The following PEBP4 variants were observed in gnomAD, a reference collection of about 807,000 sequenced individuals.
PEBP4 encodes the protein phosphatidylethanolamine binding protein 4, also known as phosphatidylethanolamine-binding protein 4.
PEBP4 carries 22 observed loss-of-function variants against 23.9 expected under a neutral mutation model. That is an observed-to-expected ratio of 0.92 (90% CI 0.66 to 1.31). The LOEUF is 1.31. Among genes scored for constraint, PEBP4 ranks in the 40% most tolerant of loss-of-function variants. The pLI, the probability that PEBP4 is intolerant of heterozygous loss-of-function variation, is 0.00. For synonymous variants in PEBP4, 112 were observed against 99.3 expected (o/e 1.13, Z -0.76); for missense variants, 324 against 281.7 (o/e 1.15, Z -1.07).
chr8:22,797,700 C>T (rs937687298), intron 4 of PEBP4, among the ~76,000 whole-genome samples: 8 of 152,096 alleles, frequency 5.3e-5, no homozygotes, highest in African/African-American at 1.9e-4. Context: ...TCTGAAGGAA[C>T]CGGGGGAAGA....
At chr8:22,911,223 A>G (rs1808932334) in intron 3 of PEBP4, among the ~76,000 whole-genome samples, 1 of 152,240 alleles carries the variant, frequency 6.6e-6, no homozygotes, top group African/African-American at 2.4e-5. Context: ...CATGGCCATG[A>G]TTGGGGTCTA....
intron 4 of PEBP4, among the ~76,000 whole-genome samples, chr8:22,788,933 T>A (rs991707980): frequency 1.3e-5 from 2 of 152,210 alleles, no homozygotes; most frequent in African/African-American, 4.8e-5. Context: ...TAAATTATAG[T>A]ACATCCATAT....
chr8:22,844,589 C>G (rs1259146901), intron 3 of PEBP4, among the ~76,000 whole-genome samples: 1 of 152,194 alleles, frequency 6.6e-6, no homozygotes, highest in Non-Finnish European at 1.5e-5. Context: ...ATTTTCTTCC[C>G]TTTCACTTAA....
At chr8:22,743,343 C>T (rs1388508224) in intron 4 of PEBP4, among the ~76,000 whole-genome samples, 2 of 152,226 alleles carry the variant, frequency 1.3e-5, no homozygotes, top group Admixed American at 1.3e-4. Context: ...AAAGAAGGGG[C>T]CTGAGCTCTT....
At chr8:22,808,143 A>C (rs750452723) in intron 4 of PEBP4, among the ~76,000 whole-genome samples, 1 of 149,784 alleles carries the variant, frequency 6.7e-6, no homozygotes, top group Non-Finnish European at 1.5e-5. Flanking sequence ...CCATCCATTC[A>C]TCACTCCATC....
intron 3 of PEBP4, among the ~76,000 whole-genome samples, chr8:22,841,453 T>C (rs1807328003): frequency 6.6e-6 from 1 of 152,252 alleles, no homozygotes; most frequent in Non-Finnish European, 1.5e-5. Context: ...AGGGAACAGC[T>C]TAGGGACAAC....
intron 3 of PEBP4, among the ~76,000 whole-genome samples, chr8:22,861,840 G>T (rs1257535307): frequency 2.0e-5 from 3 of 152,164 alleles, no homozygotes; most frequent in Non-Finnish European, 4.4e-5. Flanking sequence ...CAGAAAATGG[G>T]TTCAGTTGCC....
intron 3 of PEBP4, among the ~76,000 whole-genome samples, chr8:22,844,037 A>C (rs1296280510): frequency 6.6e-6 from 1 of 152,228 alleles, no homozygotes; most frequent in African/African-American, 2.4e-5. Context: ...ACCACTACTG[A>C]AATAATAACT....
At chr8:22,801,640 C>T (rs1380232297) in intron 4 of PEBP4, among the ~76,000 whole-genome samples, 1 of 152,124 alleles carries the variant, frequency 6.6e-6, no homozygotes. Flanking sequence ...AAAGGCAGAA[C>T]CTGAGCTTAC....
intron 3 of PEBP4, among the ~76,000 whole-genome samples, chr8:22,875,715 C>T (rs1808105490): frequency 6.6e-6 from 1 of 152,036 alleles, no homozygotes. Context: ...CACAAACTGG[C>T]CCCAGCCTAC....
At chr8:22,788,794 A>G (rs1268649958) in intron 4 of PEBP4, among the ~76,000 whole-genome samples, 2 of 152,372 alleles carry the variant, frequency 1.3e-5, no homozygotes, top group Non-Finnish European at 1.5e-5. Flanking sequence ...CTGAGAATTT[A>G]TTCTCAGAAA....
At chr8:22,722,128 C>T (rs973429742) in intron 6 of PEBP4, among the ~76,000 whole-genome samples, 1 of 152,094 alleles carries the variant, frequency 6.6e-6, no homozygotes, top group African/African-American at 2.4e-5. Context: ...AAAGCCACTC[C>T]TCTGCCGGAC....
intron 4 of PEBP4, among the ~76,000 whole-genome samples, chr8:22,743,466 T>A (rs1180699660): frequency 6.6e-6 from 1 of 152,206 alleles, no homozygotes; most frequent in East Asian, 1.9e-4. Flanking sequence ...CCTTACTTGT[T>A]CCCAAACCAG....
At chr8:22,868,254 A>G (rs1389052717) in intron 3 of PEBP4, among the ~76,000 whole-genome samples, 5 of 152,144 alleles carry the variant, frequency 3.3e-5, no homozygotes, top group Non-Finnish European at 4.4e-5. Flanking sequence ...ACTGCTTTTT[A>G]GTAGTGAGCA....
chr8:22,800,085 T>C (rs1336864740), intron 4 of PEBP4, among the ~76,000 whole-genome samples: 1 of 152,200 alleles, frequency 6.6e-6, no homozygotes, highest in Non-Finnish European at 1.5e-5. Context: ...ACCATCATTC[T>C]GAGCAAACTA....
chr8:22,808,293 C>T (rs1191151312), intron 4 of PEBP4, among the ~76,000 whole-genome samples: 4 of 152,190 alleles, frequency 2.6e-5, no homozygotes, highest in Non-Finnish European at 5.9e-5. Flanking sequence ...CAACCACCCA[C>T]CTATTCAACC....
At position 22,865,549 on chromosome 8, in the gene PEBP4, G is replaced by T. The variant is rs1807875536; in HGVS notation, c.259-47814C>A. Among the ~76,000 whole-genome samples, 2 of 152,310 alleles carry T rather than the reference G, an allele frequency of 1.3e-5. No homozygotes were observed. The highest frequency in any genetic ancestry group is 3.4e-3 in the Middle Eastern group (1 of 292). On this transcript the variant is annotated intron_variant, in intron 3 of 6. Transcript: ENST00000256404. This position sits in a 1 kb window ranked among gnomAD's most constrained non-coding sequence, Gnocchi z 6.9. ...TAAAAAAGGCAAGGCGCTGCTGCCGGTGCCGGTGCCGCAGCCGCCGGGGAA... is the reference window on the plus strand; with the variant it reads ...TAAAAAAGGCAAGGCGCTGCTGCCGTTGCCGGTGCCGCAGCCGCCGGGGAA...
At chr8:22,854,698 A>T (rs1351586697) in intron 3 of PEBP4, among the ~76,000 whole-genome samples, 1 of 152,190 alleles carries the variant, frequency 6.6e-6, no homozygotes, top group Non-Finnish European at 1.5e-5. Context: ...TCAAATGTGC[A>T]TTGACGTAAT....
At chr8:22,881,916 G>A (rs189142923) in intron 3 of PEBP4, among the ~76,000 whole-genome samples, 20 of 152,338 alleles carry the variant, frequency 1.3e-4, no homozygotes, top group Admixed American at 1.2e-3. Flanking sequence ...CTGTCCTCAG[G>A]CTGTTGTAAG....
Sources: gnomAD v4.1 joint callset for allele counts (sites outside exome capture counted in the v4.1 genomes callset) on GRCh38, gnomAD v4.1.1 for gene constraint, Gnocchi (gnomAD v3.1) non-coding constraint, MANE v1.5 for transcripts, NCBI Gene and HGNC (gene_info 2026-07-23, HGNC 2026-07-21) for gene names.